Variants in EXOC1 observed in about 807,000 individuals in gnomAD.
The protein encoded by EXOC1 is exocyst complex component 1, also known as SEC3-like 1.
A neutral mutation model predicts 107.7 loss-of-function variants in EXOC1; 67 were observed. The observed-to-expected ratio is 0.62, with a 90% CI of 0.51 to 0.76. EXOC1 has a LOEUF of 0.76. EXOC1 is among the 30% of genes least tolerant of loss of function. EXOC1 has a pLI of 0.00. For missense variants in EXOC1, 833 were observed against 1,055.7 expected, an observed-to-expected ratio of 0.79 and a Z score of 2.92; for synonymous variants, 348 against 353.5, an observed-to-expected ratio of 0.98 and a Z score of 0.17.
chr4:55,871,875 C>T lies in EXOC1; in HGVS notation c.991C>T (p.Gln331Ter). ...PGHDLLLAVK[Q>*]QQQRFSDLRE... ...CCATGACTTGCTTCTGGCAGTCAAA[C>T]AGCAACAGCAGCGATTCAGTGATTT... The change falls in exon 8 of 19, where the codon CAG becomes TAG. Residue 331 changes from glutamine to a stop codon, truncating the protein, a stop_gained. Transcript: ENST00000381295. LOFTEE classifies it high-confidence loss of function. 1 of 1,613,810 alleles carries T rather than the reference C, an allele frequency of 6.2e-7. No individual in the cohort carries two copies. The highest frequency in any genetic ancestry group is 8.5e-7 in the Non-Finnish European group (1 of 1,179,806).
chr4:55,876,107 G>T, intron 8 of EXOC1: 1 of 984,918 alleles, frequency 1.0e-6, no homozygotes, highest in African/African-American at 1.7e-5. Context: ...TAGTCCAATG[G>T]TAATGCCTGT....
At chr4:55,859,403 G>A (rs750410803) in intron 2 of EXOC1, among the ~76,000 whole-genome samples, 28 of 152,014 alleles carry the variant, frequency 1.8e-4, no homozygotes, top group Admixed American at 9.2e-4. Flanking sequence ...TCGTGAAAGC[G>A]CTTATTAACA....
intron 9 of EXOC1, among the ~76,000 whole-genome samples, 197 bp downstream of exon 9, chr4:55,878,263 A>C (rs903927082): frequency 1.3e-5 from 2 of 152,192 alleles, no homozygotes; most frequent in Non-Finnish European, 2.9e-5. Flanking sequence ...AAACTTCAGT[A>C]TGGAAAAATA....
At chr4:55,888,039 T>G (rs998718048) in intron 10 of EXOC1, among the ~76,000 whole-genome samples, 2 of 152,240 alleles carry the variant, frequency 1.3e-5, no homozygotes, top group African/African-American at 4.8e-5. Flanking sequence ...GTTTTAAAGA[T>G]ATTTTTAGGT....
chr4:55,857,619 T>C (rs79782538), intron 1 of EXOC1, among the ~76,000 whole-genome samples: 4 of 152,046 alleles, frequency 2.6e-5, no homozygotes, highest in East Asian at 3.9e-4. Context: ...AATTTTTGTG[T>C]GGACATATGT....
At chr4:55,882,954 T>G (rs911118346) in intron 9 of EXOC1, 3 of 152,266 alleles carry the variant, frequency 2.0e-5, no homozygotes, top group Non-Finnish European at 4.4e-5. Flanking sequence ...ACTTCATACT[T>G]GGAAAAATAT....
chr4:55,896,574 A>C, intron 15 of EXOC1, 143 bp from the exon 16 acceptor site: 1 of 532,882 alleles, frequency 1.9e-6, no homozygotes, highest in Non-Finnish European at 3.0e-6. Context: ...TAAGCATCCA[A>C]AGTGTTCTAG....
At chr4:55,900,415 C>G (rs2109507934) in intron 17 of EXOC1, 2 of 152,192 alleles carry the variant, frequency 1.3e-5, no homozygotes, top group African/African-American at 4.8e-5. Context: ...TTTTACTTTT[C>G]TTTCCCTTCT....
At chr4:55,903,821 A>T (rs1046024847) in intron 18 of EXOC1, among the ~76,000 whole-genome samples, 1 of 152,184 alleles carries the variant, frequency 6.6e-6, no homozygotes, top group African/African-American at 2.4e-5. Flanking sequence ...ATGATTGCAG[A>T]TAATGGGTCT....
chr4:55,866,880 A>G (rs1722008264), intron 4 of EXOC1: 1 of 985,184 alleles, frequency 1.0e-6, no homozygotes, highest in Non-Finnish European at 1.2e-6. Context: ...AGAACTGCCT[A>G]AAGTTACAGA....
chr4:55,899,681 T>A lies in EXOC1; in HGVS notation c.2138-4T>A. On this transcript the variant is annotated splice_region_variant and splice_polypyrimidine_tract_variant and intron_variant, in intron 16 of 18. Transcript: ENST00000381295. ...TTATTTTATTTTTTCTGTTTTGGTTTTAGTGGAGAAAGTAGCAAATGAAAG... is the reference window on the plus strand; with the variant it reads ...TTATTTTATTTTTTCTGTTTTGGTTATAGTGGAGAAAGTAGCAAATGAAAG... 2.5e-6 allele frequency: 4 copies of A among 1,606,984 alleles called. No individual in the cohort carries two copies. The highest frequency in any genetic ancestry group is 2.5e-6 in the Non-Finnish European group (3 of 1,177,480).
At chr4:55,888,316 C>T (rs1263545109) in intron 10 of EXOC1, among the ~76,000 whole-genome samples, 2 of 152,118 alleles carry the variant, frequency 1.3e-5, no homozygotes, top group East Asian at 3.9e-4. Context: ...TCATTCTGAG[C>T]ACTCACAAAG....
Position 55,904,434 on chromosome 4 carries a change from C to A in EXOC1, c.2624C>A (p.Thr875Lys), listed in dbSNP as rs757166335. 9.9e-6 allele frequency: 16 copies of A among 1,612,728 alleles called. No individual in the cohort carries two copies. The highest frequency in any genetic ancestry group is 5.5e-5 in the South Asian group (5 of 90,964). ...CGCTGTTATCCTGGATCTGGTGTTA[C>A]AATGGAATTCACTATTCAGGACATT... ...IARCYPGSGV[T>K]MEFTIQDILD... Residue 875 changes from threonine (T) to lysine (K), a missense_variant, in exon 19 of 19, where the codon ACA becomes AAA. Thr to Lys is a moderately conservative substitution (Grantham distance 78). Coordinates refer to ENST00000381295, the MANE Select transcript of EXOC1 (RefSeq NM_001024924.2).
At chr4:55,865,317 A>G (rs557091658) in intron 4 of EXOC1, among the ~76,000 whole-genome samples, 1 of 152,332 alleles carries the variant, frequency 6.6e-6, no homozygotes, top group East Asian at 1.9e-4. Context: ...TCCTAAAGAT[A>G]CAAACATTGT....
chr4:55,864,367 T>C lies in EXOC1; in HGVS notation c.396T>C (p.Val132=). 6.2e-7 allele frequency: 1 copy of C among 1,608,054 alleles called. No homozygotes were observed. The highest frequency in any genetic ancestry group is 8.5e-7 in the Non-Finnish European group (1 of 1,178,032). The change falls in exon 4 of 19, where the codon GTT becomes GTC. Residue 132 remains valine, a synonymous_variant. Transcript: ENST00000381295. ...YLRKKIDFVN[V]SSQLLEESVP... is the part of the protein sequence containing the mutation. ...GGAAGAAAATTGATTTTGTCAATGT[T>C]AGCTCACAGCTTTTGGAAGGTAAAG...
chr4:55,879,606 C>T (rs1723199365), intron 9 of EXOC1, among the ~76,000 whole-genome samples: 5 of 152,100 alleles, frequency 3.3e-5, no homozygotes, highest in Admixed American at 3.3e-4. Context: ...GATTTAATAG[C>T]CATTGTAGCA....
intron 4 of EXOC1, among the ~76,000 whole-genome samples, chr4:55,865,392 A>G (rs1489420895): frequency 6.6e-6 from 1 of 152,206 alleles, no homozygotes; most frequent in Non-Finnish European, 1.5e-5. Context: ...GCACTGGCAG[A>G]AACAAGTCAC....
intron 2 of EXOC1, among the ~76,000 whole-genome samples, chr4:55,859,820 G>A (rs1369505204): frequency 6.6e-6 from 1 of 152,078 alleles, no homozygotes; most frequent in Non-Finnish European, 1.5e-5. Flanking sequence ...TTCCTTGTTA[G>A]TGTAGTATAT....
intron 8 of EXOC1, chr4:55,876,911 A>G: frequency 1.0e-6 from 1 of 985,364 alleles, no homozygotes; most frequent in Non-Finnish European, 1.2e-6. Flanking sequence ...AGGGACATGG[A>G]TAATGATGTG....
Sources: allele counts gnomAD v4.1 joint callset (sites outside exome capture counted in the v4.1 genomes callset), GRCh38; gene constraint gnomAD v4.1.1; transcripts MANE v1.5; gene names NCBI Gene and HGNC (gene_info 2026-07-23, HGNC 2026-07-21).